Variants in FBXO32 observed in about 807,000 individuals in gnomAD.
FBXO32 encodes F-box protein 32, also known as F-box only protein 32.
A neutral mutation model predicts 48.3 loss-of-function variants in FBXO32; 15 were observed. The observed-to-expected ratio is 0.31, with a 90% CI of 0.21 to 0.48. The LOEUF (loss-of-function observed/expected upper bound fraction) is 0.48, where lower values mean the gene tolerates loss of function less well. Among genes scored for constraint, FBXO32 ranks in the 20% least tolerant of loss-of-function variants. The pLI is 0.99. For synonymous variants in FBXO32, 154 were observed against 165.9 expected (o/e 0.93, Z 0.55); for missense variants, 309 against 432.7 (o/e 0.71, Z 2.54).
At chr8:123,516,982 C>T (rs1356995714) in intron 4 of FBXO32, among the ~76,000 whole-genome samples, 1 of 152,138 alleles carries the variant, frequency 6.6e-6, no homozygotes, top group Middle Eastern at 3.2e-3. Flanking sequence ...GAAAATGGCA[C>T]AAAGGGACTG....
Position 123,498,281 on chromosome 8 carries a change from TTAAACAAACACATCTA to T in FBXO32, c.*5076_*5091del, listed in dbSNP as rs1253078726. On this transcript the variant is annotated 3_prime_UTR_variant, in exon 9 of 9. Coordinates refer to ENST00000517956, the MANE Select transcript of FBXO32 (RefSeq NM_058229.4). Reference sequence around the variant, plus strand: ...GCTTAACAGACTTGTGCTTCGTTAATTAAACAAACACATCTATACTCAAAGACAGAAAAAGTCATGT... The same window carrying T: ...GCTTAACAGACTTGTGCTTCGTTAATTACTCAAAGACAGAAAAAGTCATGT... 1 of 152,218 alleles carries T rather than the reference TTAAACAAACACATCTA, an allele frequency of 6.6e-6. No homozygotes were observed. The highest frequency in any genetic ancestry group is 1.5e-5 in the Non-Finnish European group (1 of 68,038). 9.4% of individuals were successfully genotyped at this position (152,218 alleles called of 1,614,324 possible). A position where few individuals can be genotyped will look rare whatever the true frequency, so the allele number is the denominator to read the frequency against.
chr8:123,525,196 T>C lies in FBXO32; in HGVS notation c.372+6702A>G, dbSNP rs771405068. 6.6e-6 allele frequency among the ~76,000 whole-genome samples: 1 copy of C among 152,232 alleles called. No individual in the cohort carries two copies. The highest frequency in any genetic ancestry group is 1.5e-5 in the Non-Finnish European group (1 of 68,044). On this transcript the variant is annotated intron_variant, in intron 4 of 8. Transcript: ENST00000517956. The surrounding 1 kb of genome is among the most constrained non-coding windows in gnomAD (Gnocchi z 4.3). ...AAAATGCTTTCAGGGGTGGTAGGAATGCAGTAACTTGCTGGAAACATTCAA... is the reference window on the plus strand; with the variant it reads ...AAAATGCTTTCAGGGGTGGTAGGAACGCAGTAACTTGCTGGAAACATTCAA...
Position 123,541,187 on chromosome 8 carries a change from T to A in FBXO32, c.-173A>T, listed in dbSNP as rs976848127. On this transcript the variant is annotated 5_prime_UTR_variant, in exon 1 of 9. Transcript: ENST00000517956. ...GCGGGCGCGGAGAGGATCTCAAGCG[T>A]TGCAGGCTCCGGGAGTGCTGCGCGG... 1 of 379,800 alleles carries A rather than the reference T, an allele frequency of 2.6e-6. No homozygotes were observed. Among genetic ancestry groups the A allele is most frequent in the African/African-American group, 2.1e-5 (1 of 46,916 alleles). 23.5% of individuals were successfully genotyped at this position (379,800 alleles called of 1,614,324 possible).
intron 3 of FBXO32, 82 bp from the exon 4 acceptor site, chr8:123,532,072 C>T: frequency 6.3e-7 from 1 of 1,580,116 alleles, no homozygotes; most frequent in Non-Finnish European, 8.6e-7. Flanking sequence ...TAGAACAACC[C>T]AACTGGATTT....
rs1164409248 is a variant in FBXO32, at chr8:123,534,783, T to A, written c.148A>T (p.Asn50Tyr). ...TCATAGTTCAGGCTGTTGAAAAGAT[T>A]CTCCTTATTGTATACCTCCTTGTTG... ...YCNKEVYNKE[N>Y]LFNSLNYDVA... The change falls in exon 2 of 9, where the codon AAT (asparagine) becomes TAT (tyrosine). Residue 50 changes from asparagine (N) to tyrosine (Y), a missense_variant. Asn to Tyr is a moderately radical substitution (Grantham distance 143). Transcript: ENST00000517956. The A allele has an allele frequency of 6.2e-7, 1 of 1,613,576 alleles. No individual in the cohort carries two copies. Among genetic ancestry groups the A allele is most frequent in the Non-Finnish European group, 8.5e-7 (1 of 1,179,628 alleles).
intron 1 of FBXO32, among the ~76,000 whole-genome samples, chr8:123,535,202 C>G (rs1409678508): frequency 6.6e-6 from 1 of 152,042 alleles, no homozygotes; most frequent in Admixed American, 6.5e-5. Context: ...TACACAATGC[C>G]TTCATTTTGC....
In FBXO32 at chr8:123,513,348, C is replaced by T. The variant is rs1399218836; in HGVS notation, c.501G>A (p.Arg167=). 1.2e-5 allele frequency: 19 copies of T among 1,614,024 alleles called. No individual in the cohort carries two copies. Among genetic ancestry groups the T allele is most frequent in the Non-Finnish European group, 1.5e-5 (18 of 1,179,950 alleles). ...ATGTGTAGAGGGTCTGGAGTAGTTC[C>T]CTTATTAGTCTAATGTTTTGCTGGT... ...LEDQQNIRLI[R]ELLQTLYTSL... The change falls in exon 6 of 9, where the codon AGG becomes AGA. Residue 167 remains arginine, a synonymous_variant. Transcript: ENST00000517956. This position sits in a 1 kb window ranked among gnomAD's most constrained non-coding sequence, Gnocchi z 4.3.
At chr8:123,523,289 A>G in intron 4 of FBXO32, among the ~76,000 whole-genome samples, 1 of 152,158 alleles carries the variant, frequency 6.6e-6, no homozygotes. Context: ...ATGCTTAGGT[A>G]GAATTTTAAT....
chr8:123,506,325 A>G lies in FBXO32; in HGVS notation c.834+67T>C. ...CCCAGACCTCAGGCTTGAGCAGGGC[A>G]CCAAGGAAGTTTGGGGTGAGGGCCA... On this transcript the variant is annotated intron_variant, in intron 7 of 8. Transcript: ENST00000517956. This position sits in a 1 kb window ranked among gnomAD's most constrained non-coding sequence, Gnocchi z 4.0. 1.3e-6 allele frequency: 2 copies of G among 1,541,386 alleles called. No homozygotes were observed. The highest frequency in any genetic ancestry group is 8.9e-7 in the Non-Finnish European group (1 of 1,124,886).
intron 4 of FBXO32, among the ~76,000 whole-genome samples, chr8:123,520,075 A>G (rs1220812847): frequency 6.6e-6 from 1 of 152,238 alleles, no homozygotes; most frequent in Non-Finnish European, 1.5e-5. Flanking sequence ...GGCGTAAGCC[A>G]TCGCGCACAG....
chr8:123,504,533 A>G (rs1816571236), intron 8 of FBXO32, 71 bp downstream of exon 8: 1 of 1,298,914 alleles, frequency 7.7e-7, no homozygotes. Context: ...TGGCCTCACC[A>G]TGCTGGCTGG....
intron 4 of FBXO32, among the ~76,000 whole-genome samples, chr8:123,522,917 G>A (rs1327049411): frequency 1.3e-5 from 2 of 152,194 alleles, no homozygotes; most frequent in Non-Finnish European, 2.9e-5. Context: ...AGAAGTACCT[G>A]ACAAGCAGGG....
rs1816610573 is a variant in FBXO32, at chr8:123,506,053, A to G, written c.834+339T>C. On this transcript the variant is annotated intron_variant, in intron 7 of 8. Transcript: ENST00000517956. This position sits in a 1 kb window ranked among gnomAD's most constrained non-coding sequence, Gnocchi z 4.0. ...AGCCTGGGCAACATAGAGAGACCCTATTTCTACAAAAACAATAATAAAAAA... is the reference window on the plus strand; with the variant it reads ...AGCCTGGGCAACATAGAGAGACCCTGTTTCTACAAAAACAATAATAAAAAA... Among the ~76,000 whole-genome samples the G allele has an allele frequency of 6.6e-6, 1 of 151,740 alleles. No individual in the cohort carries two copies. The highest frequency in any genetic ancestry group is 2.1e-4 in the South Asian group (1 of 4,814).
intron 1 of FBXO32, among the ~76,000 whole-genome samples, chr8:123,535,408 T>G (rs1817290147): frequency 6.6e-6 from 1 of 152,186 alleles, no homozygotes; most frequent in Non-Finnish European, 1.5e-5. Flanking sequence ...TAGGAGATGC[T>G]TTGGGTGTAG....
In FBXO32 at chr8:123,513,214, T is replaced by A. The variant is rs142379196; in HGVS notation, c.635A>T (p.Asn212Ile). 1 of 1,614,068 alleles carries A rather than the reference T, an allele frequency of 6.2e-7. No individual in the cohort carries two copies. Among genetic ancestry groups the A allele is most frequent in the East Asian group, 2.2e-5 (1 of 44,890 alleles). The change falls in exon 6 of 9, where the codon AAC becomes ATC. Residue 212 changes from asparagine to isoleucine, a missense_variant. By Grantham distance (149) the Asn-to-Ile change is moderately radical. Coordinates refer to ENST00000517956, the MANE Select transcript of FBXO32 (RefSeq NM_058229.4). This position sits in a 1 kb window ranked among gnomAD's most constrained non-coding sequence, Gnocchi z 4.3. ...TILHWQQQLN[N>I]IQITRPAFKG... Reference sequence around the variant, plus strand: ...CCCGCTTACCCTGGTGATCTGAATGTTGTTCAGCTGCTGCTGCCAGTGGAG... The same window carrying A: ...CCCGCTTACCCTGGTGATCTGAATGATGTTCAGCTGCTGCTGCCAGTGGAG...
chr8:123,513,133 C>A lies in FBXO32; in HGVS notation c.651+65G>T. 6.6e-7 allele frequency: 1 copy of A among 1,521,904 alleles called. No individual in the cohort carries two copies. The highest frequency in any genetic ancestry group is 1.7e-5 in the Admixed American group (1 of 58,758). The allele number at this position is 1,521,904 out of a possible 1,614,324, so 94.3% of individuals were successfully genotyped here. A position where few individuals can be genotyped will look rare whatever the true frequency, so the allele number is the denominator to read the frequency against. On this transcript the variant is annotated intron_variant, in intron 6 of 8. Coordinates refer to ENST00000517956, the MANE Select transcript of FBXO32 (RefSeq NM_058229.4). The surrounding 1 kb of genome is among the most constrained non-coding windows in gnomAD (Gnocchi z 4.3). ...CACAGGAGTGAATTCAAAGTCTTGGCGAGTCTGTCCAGTATCCCTGTGGAG... is the reference window on the plus strand; with the variant it reads ...CACAGGAGTGAATTCAAAGTCTTGGAGAGTCTGTCCAGTATCCCTGTGGAG...
chr8:123,532,814 T>C (rs1415456760), intron 3 of FBXO32, among the ~76,000 whole-genome samples: 2 of 152,242 alleles, frequency 1.3e-5, no homozygotes, highest in African/African-American at 4.8e-5. Flanking sequence ...CTATATTTAG[T>C]GATTAGCGCT....
At chr8:123,520,809 A>G (rs1816936292) in intron 4 of FBXO32, among the ~76,000 whole-genome samples, 1 of 152,206 alleles carries the variant, frequency 6.6e-6, no homozygotes, top group African/African-American at 2.4e-5. Context: ...AAAAAACTCA[A>G]GCTCCTTACC....
chr8:123,506,518 G>T lies in FBXO32; in HGVS notation c.708C>A (p.Ile236=), dbSNP rs765303356. 3 of 1,613,378 alleles carry T rather than the reference G, an allele frequency of 1.9e-6. No homozygotes were observed. Among genetic ancestry groups the T allele is most frequent in the Non-Finnish European group, 2.5e-6 (3 of 1,179,638 alleles). The change falls in exon 7 of 9, where the codon ATC becomes ATA. Residue 236 remains isoleucine, a synonymous_variant. Coordinates refer to ENST00000517956, the MANE Select transcript of FBXO32 (RefSeq NM_058229.4). The surrounding 1 kb of genome is among the most constrained non-coding windows in gnomAD (Gnocchi z 4.0). The part of the protein sequence containing the change: ...TDLPLCLQLN[I]MQRLSDGRDL... ...CCCGCCCGTCGCTCAGCCTCTGCAT[G>T]ATGTTCAGTTGTAGGCACAAAGGCA...
Sources: gnomAD v4.1 joint callset for allele counts (sites outside exome capture counted in the v4.1 genomes callset) on GRCh38, gnomAD v4.1.1 for gene constraint, Gnocchi (gnomAD v3.1) non-coding constraint, MANE v1.5 for transcripts, NCBI Gene and HGNC (gene_info 2026-07-23, HGNC 2026-07-21) for gene names.